The following NOL9 variants were observed in gnomAD, a reference collection of about 807,000 sequenced individuals.
The protein encoded by NOL9 is nucleolar protein 9, also known as polynucleotide 5'-hydroxyl-kinase NOL9.
NOL9 carries 28 observed loss-of-function variants against 67.9 expected under a neutral mutation model. The observed-to-expected ratio is 0.41, with a 90% CI of 0.31 to 0.57. The LOEUF is 0.57. NOL9 is among the 20% of genes least tolerant of loss of function. The probability of loss-of-function intolerance (pLI) is 0.25; values close to 1 mark genes in which losing one functional copy is unlikely to be tolerated. For synonymous variants in NOL9, 356 were observed against 352.2 expected, an observed-to-expected ratio of 1.01 and a Z score of -0.12; for missense variants, 777 against 897.0, an observed-to-expected ratio of 0.87 and a Z score of 1.71.
chr1:6,551,577 C>T (rs921181144), intron 1 of NOL9, among the ~76,000 whole-genome samples: 3 of 151,086 alleles, frequency 2.0e-5, no homozygotes, highest in Non-Finnish European at 2.9e-5. Context: ...GCAGCCTGGG[C>T]GACAGTGATA....
intron 9 of NOL9, among the ~76,000 whole-genome samples, chr1:6,529,681 A>G (rs1173999182): frequency 6.6e-6 from 1 of 152,082 alleles, no homozygotes; most frequent in Non-Finnish European, 1.5e-5. Flanking sequence ...ATCTCAACCC[A>G]TTGGGAGGCC....
chr1:6,545,760 T>C (rs927594816), intron 3 of NOL9, among the ~76,000 whole-genome samples: 1 of 151,662 alleles, frequency 6.6e-6, no homozygotes, highest in Non-Finnish European at 1.5e-5. Flanking sequence ...TAAAGAAATG[T>C]GAAGCAGGCT....
intron 10 of NOL9, 135 bp from the exon 11 acceptor site, chr1:6,526,964 G>A (rs1236536973): frequency 5.8e-6 from 7 of 1,216,960 alleles, no homozygotes; most frequent in Non-Finnish European, 6.6e-6. Flanking sequence ...ACAAAGAGCT[G>A]GCCAGGTGCA....
chr1:6,545,561 G>A (rs1230927575), intron 3 of NOL9, among the ~76,000 whole-genome samples: 1 of 152,178 alleles, frequency 6.6e-6, no homozygotes. Flanking sequence ...CAGAACATAT[G>A]CAAACAGAGT....
rs539487619 is a variant in NOL9, at chr1:6,547,570, T to TA, written c.744+2000dup. On this transcript the variant is annotated intron_variant, in intron 3 of 11. Coordinates refer to ENST00000377705, the MANE Select transcript of NOL9 (RefSeq NM_024654.5). ...ATGAATAATACGGTCAGCAAAAATT[T>TA]AGAGGTGAGGCCAGACACGGTGGCT... Among the ~76,000 whole-genome samples the TA allele has an allele frequency of 1.1e-4, 16 of 151,888 alleles. No individual in the cohort carries two copies. In the East Asian group the frequency reaches 3.1e-3, roughly 29 times the overall value.
At chr1:6,544,383 T>C (rs2148659544) in intron 5 of NOL9, among the ~76,000 whole-genome samples, 1 of 48,794 alleles carries the variant, frequency 2.0e-5, no homozygotes, top group African/African-American at 6.9e-5. Flanking sequence ...TAGCCAGGCA[T>C]GGTGGCCCAT....
chr1:6,554,205 C>G lies in NOL9; in HGVS notation c.298G>C (p.Glu100Gln). Residue 100 changes from glutamate to glutamine, a missense_variant, in exon 1 of 12, where the codon GAA (glutamate) becomes CAA (glutamine). This residue lies in a region of NOL9 where 364 missense variants were observed against 344.4 expected (regional missense o/e 1.06). Coordinates refer to ENST00000377705, the MANE Select transcript of NOL9 (RefSeq NM_024654.5). ...TGGCAACTCGAGGCGGATTCGAGTTCGGGTTCGGACTCGGGTTCGGAGGCC... is the reference window on the plus strand; with the variant it reads ...TGGCAACTCGAGGCGGATTCGAGTTGGGGTTCGGACTCGGGTTCGGAGGCC... The part of the protein sequence containing the change: ...TPASEPESEP[E>Q]LESASSCHRP... 6.6e-7 allele frequency: 1 copy of G among 1,519,858 alleles called. No homozygotes were observed. Among genetic ancestry groups the G allele is most frequent in the Non-Finnish European group, 8.8e-7 (1 of 1,133,000 alleles). The allele number at this position is 1,519,858 out of a possible 1,614,324, so 94.1% of individuals were successfully genotyped here. A position where few individuals can be genotyped will look rare whatever the true frequency, so the allele number is the denominator to read the frequency against.
At chr1:6,545,578 G>A (rs950684775) in intron 3 of NOL9, among the ~76,000 whole-genome samples, 1 of 152,184 alleles carries the variant, frequency 6.6e-6, no homozygotes, top group African/African-American at 2.4e-5. Context: ...GAGTTGAAAG[G>A]AGGGAGAAGA....
At position 6,554,125 on chromosome 1, in the gene NOL9, C is replaced by T; in HGVS notation, c.378G>A (p.Leu126=). 3.3e-6 allele frequency: 5 copies of T among 1,530,354 alleles called. No homozygotes were observed. The highest frequency in any genetic ancestry group is 1.2e-5 in the South Asian group (1 of 83,310). 94.8% of individuals were successfully genotyped at this position (1,530,354 alleles called of 1,614,324 possible). Residue 126 remains leucine, a synonymous_variant, in exon 1 of 12, where the codon CTG becomes CTA. Coordinates refer to ENST00000377705, the MANE Select transcript of NOL9 (RefSeq NM_024654.5). ...VRPVGPGRAL[L]LLPVEQGFTF... The stretch of plus-strand genomic sequence containing the variant: ...CACCTACCTGCTCGACCGGCAGCAG[C>T]AGCAACGCGCGGCCGGGGCCCACGG...
chr1:6,545,218 CAT>C (rs1570075858), intron 3 of NOL9, 38 bp from the exon 4 acceptor site: 6 of 1,584,570 alleles, frequency 3.8e-6, no homozygotes, highest in Non-Finnish European at 4.3e-6. Flanking sequence ...TGAAAAAATG[CAT>C]ATTTTTTTCT....
intron 6 of NOL9, among the ~76,000 whole-genome samples, chr1:6,537,577 C>T (rs963645345): frequency 1.3e-5 from 2 of 152,210 alleles, no homozygotes; most frequent in South Asian, 2.1e-4. Flanking sequence ...GTACTGACTT[C>T]AAAACTTACC....
At chr1:6,549,528 G>A (rs752629272) in intron 3 of NOL9, 43 bp downstream of exon 3, 1 of 1,605,994 alleles carries the variant, frequency 6.2e-7, no homozygotes, top group Non-Finnish European at 8.5e-7. Flanking sequence ...TCACTGTTTT[G>A]GTGCAAGTAA....
At chr1:6,528,306 G>T in intron 10 of NOL9, among the ~76,000 whole-genome samples, 1 of 152,208 alleles carries the variant, frequency 6.6e-6, no homozygotes. Flanking sequence ...ATTCCTGGCT[G>T]TAGGGATGAA....
chr1:6,528,015 G>A (rs1638930549), intron 10 of NOL9, among the ~76,000 whole-genome samples: 1 of 152,200 alleles, frequency 6.6e-6, no homozygotes, highest in African/African-American at 2.4e-5. Flanking sequence ...ATATACAGAA[G>A]ACAACCTGAT....
Position 6,524,446 on chromosome 1 carries a change from C to T in NOL9, c.*1408G>A, listed in dbSNP as rs533442787. 2.0e-5 allele frequency: 3 copies of T among 152,290 alleles called. No individual in the cohort carries two copies. In the East Asian group the frequency reaches 5.8e-4, roughly 29 times the overall value. 9.4% of individuals were successfully genotyped at this position (152,290 alleles called of 1,614,324 possible). A position where few individuals can be genotyped will look rare whatever the true frequency, so the allele number is the denominator to read the frequency against. On this transcript the variant is annotated 3_prime_UTR_variant, in exon 12 of 12. Transcript: ENST00000377705. ...ACCCGTTTACACAAACCACTTCCAA[C>T]CTAGAGGACAGAGTCGGAAGCACCA... is the stretch of plus-strand genomic sequence containing the variant.
chr1:6,525,356 G>A lies in NOL9; in HGVS notation c.*498C>T. ...CAGACCAAGTACAACTGCACCAAAT[G>A]GATGGGCTGTAACCATCCACACTGG... On this transcript the variant is annotated 3_prime_UTR_variant, in exon 12 of 12. Coordinates refer to ENST00000377705, the MANE Select transcript of NOL9 (RefSeq NM_024654.5). 6.0e-6 allele frequency: 1 copy of A among 165,792 alleles called. No individual in the cohort carries two copies. The highest frequency in any genetic ancestry group is 1.5e-4 in the South Asian group (1 of 6,568). 10.3% of individuals were successfully genotyped at this position (165,792 alleles called of 1,614,324 possible).
chr1:6,534,534 T>C (rs1461823943), intron 6 of NOL9, among the ~76,000 whole-genome samples: 2 of 152,198 alleles, frequency 1.3e-5, no homozygotes, highest in African/African-American at 4.8e-5. Flanking sequence ...AGCTGCGAAT[T>C]CAGCCAGCGA....
In NOL9 at chr1:6,552,448, T is replaced by C. The variant is rs369391857; in HGVS notation, c.396+1659A>G. Among the ~76,000 whole-genome samples the C allele has an allele frequency of 2.8e-4, 42 of 152,260 alleles. No homozygotes were observed. The South Asian group carries it at 5.8e-3, about 21-fold the overall frequency. ...GGCTGCAGCCTTTTAAATTTTTTAA[T>C]TTTATTTAATTTTTATTTATTTATT... On this transcript the variant is annotated intron_variant, in intron 1 of 11. Transcript: ENST00000377705.
chr1:6,532,022 C>T lies in NOL9; in HGVS notation c.1593G>A (p.Leu531=). 1 of 1,614,172 alleles carries T rather than the reference C, an allele frequency of 6.2e-7. No individual in the cohort carries two copies. ...AAAGTGGTTTGGGCATCGGGGGCTG[C>T]AGCTGGCTAAGGTAACTCAAGATGG... ...DLSILSYLSQ[L]QPPMPKPLSP... Residue 531 remains leucine (L), a synonymous_variant, in exon 9 of 12, where the codon CTG becomes CTA. Transcript: ENST00000377705.
Sources: allele counts gnomAD v4.1 joint callset (sites outside exome capture counted in the v4.1 genomes callset), GRCh38; gene constraint gnomAD v4.1.1; regional missense constraint gnomAD v4.1.1; transcripts MANE v1.5; gene names NCBI Gene and HGNC (gene_info 2026-07-23, HGNC 2026-07-21).